Variants in SLC6A12 observed in about 807,000 individuals in gnomAD.
SLC6A12 encodes solute carrier family 6 member 12.
In SLC6A12, 50 loss-of-function variants were observed where a neutral mutation model predicts 73.3. That is an observed-to-expected ratio of 0.68 (90% CI 0.54 to 0.86). The LOEUF (loss-of-function observed/expected upper bound fraction) is 0.86, where lower values mean the gene tolerates loss of function less well. Ranked by LOEUF, SLC6A12 falls within the 40% of genes least tolerant of loss-of-function variation. The pLI is 0.00. For synonymous variants in SLC6A12, 304 were observed against 309.2 expected (o/e 0.98, Z 0.18); for missense variants, 648 against 772.8 (o/e 0.84, Z 1.92).
At chr12:185,047 G>A in the SLC6A12 span, among the ~76,000 whole-genome samples, 1 of 152,090 alleles carries the variant, frequency 6.6e-6, no homozygotes, top group East Asian at 1.9e-4. Flanking sequence ...CCAAGTGAAG[G>A]AAGATAAGAG....
chr12:204,807 A>C, intron 3 of SLC6A12, 109 bp from the exon 4 acceptor site: 1 of 1,275,340 alleles, frequency 7.8e-7, no homozygotes. Context: ...TCCTGTTCTT[A>C]ATCTCCCTCC....
rs766938786 is a variant in SLC6A12, at chr12:202,765, C to T, written c.465G>A (p.Thr155=). 10 of 1,613,156 alleles carry T rather than the reference C, an allele frequency of 6.2e-6. No individual in the cohort carries two copies. In the South Asian group the frequency reaches 6.6e-5, roughly 11 times the overall value. ...CTGTGTTCCAAAAGTTGTTGCAGGT[C>T]GTCCAGGGCAGCTCAGAAGTGAAGG... ...FSSFTSELPW[T]TCNNFWNTEH... is the part of the protein sequence containing the mutation. Residue 155 remains threonine, a synonymous_variant, in exon 5 of 16, where the codon ACG becomes ACA. Transcript: ENST00000684302.
In SLC6A12 at chr12:190,194, T is replaced by A. The variant is rs1939533116; in HGVS notation, c.*874A>T. ...ATATCTCTGGCCCCCAAGAAGGGGG[T>A]CCCCATGTGAACTTGAAAAAGTCCC... On this transcript the variant is annotated 3_prime_UTR_variant, in exon 16 of 16. Transcript: ENST00000684302. The A allele has an allele frequency of 6.6e-6, 1 of 151,952 alleles. No homozygotes were observed. Among genetic ancestry groups the A allele is most frequent in the Non-Finnish European group, 1.5e-5 (1 of 67,984 alleles). 9.4% of individuals were successfully genotyped at this position (151,952 alleles called of 1,614,324 possible). A position where few individuals can be genotyped will look rare whatever the true frequency, so the allele number is the denominator to read the frequency against.
intron 3 of SLC6A12, among the ~76,000 whole-genome samples, chr12:207,123 G>T (rs150092411): frequency 2.6e-5 from 4 of 152,254 alleles, no homozygotes; most frequent in Non-Finnish European, 5.9e-5. Context: ...TTTTTAGAAC[G>T]CTGACACTGC....
chr12:200,434 A>G (rs953399476), intron 7 of SLC6A12, among the ~76,000 whole-genome samples: 3 of 152,188 alleles, frequency 2.0e-5, no homozygotes, highest in African/African-American at 7.2e-5. Flanking sequence ...TGTAAACCGG[A>G]CTTTTAAAGT....
intron 10 of SLC6A12, among the ~76,000 whole-genome samples, chr12:197,171 A>AGTGTTGG (rs1939944454): frequency 2.8e-5 from 2 of 70,198 alleles, no homozygotes; most frequent in Non-Finnish European, 3.3e-5. Context: ...CCATCCATCC[A>AGTGTTGG]TCCATCCATC....
rs201745095 is a variant in SLC6A12 at position 201,897 on chromosome 12, C to A, written c.491-48G>T. 18 of 1,512,032 alleles carry A rather than the reference C, an allele frequency of 1.2e-5. No homozygotes were observed. In the Admixed American group the frequency reaches 2.3e-4, roughly 20 times the overall value. The allele number at this position is 1,512,032 out of a possible 1,614,324, so 93.7% of individuals were successfully genotyped here. The stretch of plus-strand genomic sequence containing the variant: ...CAAGATGGAGAGAGATGCTCTTATA[C>A]CCTAGTCCCCCTGGCCCTCTGGCCT... On this transcript the variant is annotated intron_variant, in intron 5 of 15. Transcript: ENST00000684302.
chr12:186,278 G>A (rs1480150021), downstream of SLC6A12, among the ~76,000 whole-genome samples: 1 of 152,172 alleles, frequency 6.6e-6, no homozygotes, highest in African/African-American at 2.4e-5. Flanking sequence ...GAGCACACTT[G>A]ACCCAACAGA....
intron 1 of SLC6A12, among the ~76,000 whole-genome samples, chr12:212,651 A>G (rs546465): frequency 0.53 from 81,194 of 152,030 alleles, 22,306 homozygotes; most frequent in African/African-American, 0.66. Flanking sequence ...GTAACTCAAG[A>G]GGGAACACGC....
chr12:200,321 G>A (rs1328540009), intron 7 of SLC6A12, among the ~76,000 whole-genome samples: 3 of 151,734 alleles, frequency 2.0e-5, no homozygotes, highest in Non-Finnish European at 4.4e-5. Context: ...TGTTAGCCAG[G>A]ATGGTCTCGA....
downstream of SLC6A12, among the ~76,000 whole-genome samples, chr12:188,811 G>T (rs1487196129): frequency 2.0e-5 from 3 of 152,170 alleles, no homozygotes; most frequent in African/African-American, 7.2e-5. Flanking sequence ...ATTATGGCTG[G>T]GTCCCTGTGA....
At position 190,086 on chromosome 12, in the gene SLC6A12, G is replaced by C. The variant is rs1939528909; in HGVS notation, c.*982C>G. 1 of 152,378 alleles carries C rather than the reference G, an allele frequency of 6.6e-6. No individual in the cohort carries two copies. The highest frequency in any genetic ancestry group is 6.5e-5 in the Admixed American group (1 of 15,292). 9.4% of individuals were successfully genotyped at this position (152,378 alleles called of 1,614,324 possible). A position where few individuals can be genotyped will look rare whatever the true frequency, so the allele number is the denominator to read the frequency against. On this transcript the variant is annotated 3_prime_UTR_variant, in exon 16 of 16. Coordinates refer to ENST00000684302, the MANE Select transcript of SLC6A12 (RefSeq NM_001122848.3). ...GCAAAGGAGACCAGCACGCATGGAA[G>C]GCAATCCATACACACTTGTTAACTA...
rs1175258804 is a variant in SLC6A12, at chr12:204,671, A to T, written c.242T>A (p.Phe81Tyr). 6 of 1,614,186 alleles carry T rather than the reference A, an allele frequency of 3.7e-6. No individual in the cohort carries two copies. The South Asian group carries it at 6.6e-5, about 18-fold the overall frequency. Residue 81 changes from phenylalanine (F) to tyrosine (Y), a missense_variant, in exon 4 of 16, where the codon TTC becomes TAC. Phe to Tyr is a conservative substitution (Grantham distance 22). Transcript: ENST00000684302. ...CACCGGGATGCCGCAGACAAAGAAG[A>T]AGATGAAGTAGGGGATGAAGAAGGC... ...GGAFFIPYFI[F>Y]FFVCGIPVFF...
chr12:210,146 G>A (rs1033576373), intron 2 of SLC6A12, 103 bp from the exon 3 acceptor site: 2 of 1,358,004 alleles, frequency 1.5e-6, no homozygotes, highest in African/African-American at 2.9e-5. Flanking sequence ...TTCTTCCCAA[G>A]TGCTCCATGG....
chr12:185,196 C>G (rs1430824723), downstream of SLC6A12, among the ~76,000 whole-genome samples: 1 of 152,238 alleles, frequency 6.6e-6, no homozygotes, highest in African/African-American at 2.4e-5. Flanking sequence ...GACAGTGAGC[C>G]CAGGTCTCCG....
At chr12:209,717 T>C (rs1034387380) in intron 3 of SLC6A12, 56 bp downstream of exon 3, 79 of 1,599,250 alleles carry the variant, frequency 4.9e-5, no homozygotes, top group Non-Finnish European at 6.7e-5. Flanking sequence ...AGGTAGGCAC[T>C]GCCCAGCTGC....
intron 13 of SLC6A12, 97 bp downstream of exon 13, chr12:195,128 G>A (rs1472503920): frequency 2.6e-6 from 2 of 760,720 alleles, no homozygotes; most frequent in Admixed American, 1.8e-5. Context: ...AGAAACCAGG[G>A]GACCAGAGAA....
Position 204,667 on chromosome 12 carries a change from G to T in SLC6A12, c.246C>A (p.Phe82Leu). 1 of 1,614,102 alleles carries T rather than the reference G, an allele frequency of 6.2e-7. No homozygotes were observed. The highest frequency in any genetic ancestry group is 2.2e-5 in the East Asian group (1 of 44,886). Residue 82 changes from phenylalanine (F) to leucine (L), a missense_variant, in exon 4 of 16, where the codon TTC becomes TTA. Physicochemically the swap from Phe to Leu is conservative, Grantham distance 22. Transcript: ENST00000684302. ...AGAACACCGGGATGCCGCAGACAAA[G>T]AAGAAGATGAAGTAGGGGATGAAGA... ...GAFFIPYFIF[F>L]FVCGIPVFFL...
chr12:199,149 G>A, intron 7 of SLC6A12: 1 of 430,656 alleles, frequency 2.3e-6, no homozygotes, highest in South Asian at 2.6e-5. Context: ...GGGGGAGGGT[G>A]GGGAGGGGAG....
Sources: allele counts gnomAD v4.1 joint callset (sites outside exome capture counted in the v4.1 genomes callset), GRCh38; gene constraint gnomAD v4.1.1; transcripts MANE v1.5; gene names NCBI Gene and HGNC (gene_info 2026-07-23, HGNC 2026-07-21).